Variants in OPCML observed in about 807,000 individuals in gnomAD.
OPCML encodes the protein opioid binding protein/cell adhesion molecule like, also known as opioid-binding protein/cell adhesion molecule.
A neutral mutation model predicts 37.8 loss-of-function variants in OPCML; 13 were observed. That is an observed-to-expected ratio of 0.34 (90% confidence interval 0.22 to 0.55). The LOEUF (loss-of-function observed/expected upper bound fraction) is 0.55. Among genes scored for constraint, OPCML ranks in the 20% least tolerant of loss-of-function variants. The pLI is 0.91. For missense variants in OPCML, 341 were observed against 435.6 expected, an observed-to-expected ratio of 0.78 and a Z score of 1.93; for synonymous variants, 176 against 168.8, an observed-to-expected ratio of 1.04 and a Z score of -0.33.
chr11:132,662,473 G>A (rs1001688312), intron 2 of OPCML, among the ~76,000 whole-genome samples: 26 of 150,938 alleles, frequency 1.7e-4, no homozygotes, highest in African/African-American at 5.1e-4. Flanking sequence ...TGCCTAAGGT[G>A]CATGAGATAA....
chr11:133,509,393 C>T (rs1948106118), intron 1 of OPCML, among the ~76,000 whole-genome samples: 1 of 152,216 alleles, frequency 6.6e-6, no homozygotes, highest in East Asian at 1.9e-4. Context: ...CTGCAAAGGA[C>T]ATGATCTCAT....
At chr11:133,483,350 G>GATAATAGAT (rs1247259674) in intron 1 of OPCML, among the ~76,000 whole-genome samples, 9 of 149,610 alleles carry the variant, frequency 6.0e-5, no homozygotes, top group East Asian at 3.9e-4. Context: ...AATAGATATA[G>GATAATAGAT]ATAGATAGAT....
At chr11:132,493,480 C>T (rs1388488024) in intron 4 of OPCML, among the ~76,000 whole-genome samples, 2 of 152,176 alleles carry the variant, frequency 1.3e-5, no homozygotes, top group Non-Finnish European at 2.9e-5. Flanking sequence ...ATTTCCTTCT[C>T]CCTAGCTTTT....
At chr11:132,496,756 G>C (rs2096232427) in intron 4 of OPCML, among the ~76,000 whole-genome samples, 1 of 152,214 alleles carries the variant, frequency 6.6e-6, no homozygotes. Flanking sequence ...AAGACTAAGA[G>C]AGTCTCAACC....
chr11:132,842,579 T>G (rs1488178421), intron 2 of OPCML, among the ~76,000 whole-genome samples: 1 of 152,212 alleles, frequency 6.6e-6, no homozygotes, highest in Non-Finnish European at 1.5e-5. Context: ...AACTTGGAAC[T>G]GAGTGTTGGA....
At chr11:133,422,612 C>G (rs1945915676) in intron 1 of OPCML, 4 of 960,728 alleles carry the variant, frequency 4.2e-6, no homozygotes, top group Non-Finnish European at 5.0e-6. Context: ...CTACCGCAGC[C>G]TCCCGAGTAG....
intron 1 of OPCML, among the ~76,000 whole-genome samples, chr11:133,124,777 T>C (rs550908041): frequency 6.6e-6 from 1 of 152,322 alleles, no homozygotes; most frequent in East Asian, 1.9e-4. Context: ...CCCATCATTT[T>C]CCTCATAGTC....
At chr11:133,082,267 G>A (rs1948735170) in intron 1 of OPCML, among the ~76,000 whole-genome samples, 1 of 151,612 alleles carries the variant, frequency 6.6e-6, no homozygotes, top group South Asian at 2.1e-4. Context: ...ACCAGCTCCC[G>A]CGCTGGAGTC....
At chr11:133,333,376 A>G (rs1246093840) in intron 1 of OPCML, among the ~76,000 whole-genome samples, 1 of 146,802 alleles carries the variant, frequency 6.8e-6, no homozygotes, top group Non-Finnish European at 1.5e-5. Context: ...AGCTGACAAA[A>G]ACAAGCAATG....
At chr11:132,756,372 G>A (rs568785379) in intron 2 of OPCML, among the ~76,000 whole-genome samples, 4 of 152,282 alleles carry the variant, frequency 2.6e-5, no homozygotes, top group Admixed American at 1.3e-4. Flanking sequence ...TAAGGTAACA[G>A]GGTTTCTTGG....
intron 4 of OPCML, among the ~76,000 whole-genome samples, chr11:132,501,070 A>C (rs780061167): frequency 6.7e-6 from 1 of 148,744 alleles, no homozygotes; most frequent in Non-Finnish European, 1.5e-5. Context: ...GTATATACCC[A>C]GTAATGGGAT....
intron 1 of OPCML, among the ~76,000 whole-genome samples, chr11:133,230,278 G>A (rs1026967214): frequency 6.6e-6 from 1 of 152,200 alleles, no homozygotes; most frequent in Admixed American, 6.5e-5. Flanking sequence ...ATGAAGCGTG[G>A]TGATGCTGGT....
chr11:133,452,906 C>T (rs1246208496), intron 1 of OPCML, among the ~76,000 whole-genome samples: 1 of 148,958 alleles, frequency 6.7e-6, no homozygotes, highest in Admixed American at 6.6e-5. Context: ...TGACCAAAAC[C>T]TCAACCTCAA....
chr11:133,384,247 C>CAAAA lies in OPCML; in HGVS notation c.61+148013_61+148016dup, dbSNP rs1186998875. Among the ~76,000 whole-genome samples, 259 of 71,206 alleles carry CAAAA rather than the reference C, an allele frequency of 3.6e-3. 2 individuals carry two copies. The highest frequency in any genetic ancestry group is 0.011 in the African/African-American group (241 of 21,684). The allele number at this position is 71,206 out of a possible 152,430, so 46.7% of individuals were successfully genotyped here. A position where few individuals can be genotyped will look rare whatever the true frequency, so the allele number is the denominator to read the frequency against. The stretch of plus-strand genomic sequence containing the variant: ...GCTGCCAAAGCCAAAGGCCACTGTG[C>CAAAA]AAAAAAAAAAAAAAAAAAGAAAAGA... On this transcript the variant is annotated intron_variant, in intron 1 of 7. Coordinates refer to ENST00000524381, the MANE Select transcript of OPCML (RefSeq NM_001012393.5).
At chr11:132,506,168 A>C (rs1591477297) in intron 4 of OPCML, among the ~76,000 whole-genome samples, 1 of 152,194 alleles carries the variant, frequency 6.6e-6, no homozygotes, top group African/African-American at 2.4e-5. Context: ...TTTTATGCTC[A>C]GGAAATACTC....
chr11:133,508,975 C>CG (rs201141614), intron 1 of OPCML, among the ~76,000 whole-genome samples: 16 of 150,642 alleles, frequency 1.1e-4, no homozygotes, highest in Admixed American at 2.0e-4. Context: ...TATATAAGTT[C>CG]GTTTTTTTTT....
chr11:133,230,946 G>A (rs534590734), intron 1 of OPCML, among the ~76,000 whole-genome samples: 27 of 152,260 alleles, frequency 1.8e-4, no homozygotes, highest in Non-Finnish European at 3.2e-4. Context: ...TTCAGACACC[G>A]GATCTGCCAC....
intron 1 of OPCML, among the ~76,000 whole-genome samples, chr11:133,326,553 A>G (rs1174458495): frequency 4.7e-5 from 5 of 106,038 alleles, no homozygotes; most frequent in South Asian, 3.7e-4. Flanking sequence ...GGGTGTGGGT[A>G]TATGTGTGTG....
chr11:133,153,858 T>C (rs568504112), intron 1 of OPCML, among the ~76,000 whole-genome samples: 142 of 152,170 alleles, frequency 9.3e-4, no homozygotes, highest in South Asian at 4.0e-3. Context: ...GGGGGCTCCA[T>C]CTGGATATAG....
Sources: gnomAD v4.1 joint callset for allele counts (sites outside exome capture counted in the v4.1 genomes callset) on GRCh38, gnomAD v4.1.1 for gene constraint, MANE v1.5 for transcripts, NCBI Gene and HGNC (gene_info 2026-07-23, HGNC 2026-07-21) for gene names.